CTBP1: variants seen among roughly 807,000 people sequenced by gnomAD.
CTBP1 encodes the protein C-terminal binding protein 1, also known as C-terminal-binding protein 1.
In CTBP1, 11 loss-of-function variants were observed where a neutral mutation model predicts 42.1. The observed-to-expected ratio is 0.26, with a 90% confidence interval of 0.16 to 0.43. The LOEUF is 0.43. Ranked by LOEUF, CTBP1 falls within the 20% of genes least tolerant of loss-of-function variation. CTBP1 has a pLI of 1.00. For missense variants in CTBP1, 399 were observed against 624.3 expected, an observed-to-expected ratio of 0.64 and a Z score of 3.85; for synonymous variants, 324 against 277.1, an observed-to-expected ratio of 1.17 and a Z score of -1.68.
At chr4:1,212,842 G>C in intron 9 of CTBP1, 71 bp downstream of exon 9, 1 of 1,333,850 alleles carries the variant, frequency 7.5e-7, no homozygotes, top group Non-Finnish European at 1.1e-6. Context: ...CTCCCACCAG[G>C]GGCTGTGCTG....
chr4:1,243,814 C>G (rs1287535120), intron 1 of CTBP1: 1 of 985,338 alleles, frequency 1.0e-6, no homozygotes, highest in Non-Finnish European at 1.2e-6. Context: ...ATCCAGGACC[C>G]ACACTGCTTT....
chr4:1,226,969 T>C (rs1481050571), intron 4 of CTBP1, among the ~76,000 whole-genome samples: 1 of 151,982 alleles, frequency 6.6e-6, no homozygotes, highest in African/African-American at 2.4e-5. Context: ...AGCAAAACCG[T>C]GAGGCGCTGG....
At chr4:1,223,398 C>T (rs1229235775) in intron 5 of CTBP1, 20 of 454,962 alleles carry the variant, frequency 4.4e-5, no homozygotes, top group Admixed American at 4.3e-4. Context: ...CATGCACATC[C>T]GTGAACCAAC....
intron 1 of CTBP1, among the ~76,000 whole-genome samples, chr4:1,246,845 A>T (rs1319015223): frequency 1.5e-5 from 2 of 137,362 alleles, no homozygotes; most frequent in Non-Finnish European, 3.4e-5. Context: ...CCTCCAGAAA[A>T]AATTTATTAA....
intron 2 of CTBP1, among the ~76,000 whole-genome samples, chr4:1,239,988 G>A (rs1415401972): frequency 6.6e-6 from 1 of 152,238 alleles, no homozygotes; most frequent in African/African-American, 2.4e-5. Flanking sequence ...GACTTCTCAT[G>A]AGCAGAAAGG....
intron 3 of CTBP1, chr4:1,237,981 G>A (rs1284061612): frequency 2.7e-6 from 2 of 749,960 alleles, no homozygotes; most frequent in African/African-American, 3.4e-5. Flanking sequence ...ATGGGGCTCA[G>A]GGCAAACCCG....
intron 5 of CTBP1, chr4:1,221,805 T>C (rs1217965606): frequency 2.2e-5 from 10 of 446,784 alleles, no homozygotes; most frequent in South Asian, 6.3e-5. Context: ...GGTGGGTTCA[T>C]GGGGTGAATG....
intron 1 of CTBP1, chr4:1,242,344 C>G (rs966643038): frequency 4.1e-6 from 4 of 985,380 alleles, no homozygotes; most frequent in East Asian, 1.1e-4. Flanking sequence ...CAACGTGCAG[C>G]TGACATCAGG....
At chr4:1,243,973 G>A in intron 1 of CTBP1, 1 of 985,038 alleles carries the variant, frequency 1.0e-6, no homozygotes, top group Non-Finnish European at 1.2e-6. Context: ...GCACATGGAA[G>A]CTTGTGCTTC....
chr4:1,221,797 T>C (rs1250088), intron 5 of CTBP1: 119,125 of 442,072 alleles, frequency 0.27, 18,374 homozygotes, highest in Middle Eastern at 0.37. Context: ...AACGTGCTGG[T>C]GGGTTCATGG....
chr4:1,242,065 C>T (rs940076075), intron 1 of CTBP1: 13 of 987,474 alleles, frequency 1.3e-5, no homozygotes, highest in East Asian at 1.1e-4. Flanking sequence ...GCTCCACCTC[C>T]GACCCTCAGT....
Position 1,233,704 on chromosome 4 carries a change from G to A in CTBP1, c.162+4479C>T, listed in dbSNP as rs1460613792. On this transcript the variant is annotated intron_variant, in intron 3 of 9. Transcript: ENST00000382952. The surrounding 1 kb of genome is among the most constrained non-coding windows in gnomAD (Gnocchi z 4.6). The stretch of plus-strand genomic sequence containing the variant: ...CCCAGTCCTGAACCTGAACACTGGG[G>A]CGCCTCCCAGGCCCCGACATTCTTC... Among the ~76,000 whole-genome samples, 1 of 152,180 alleles carries A rather than the reference G, an allele frequency of 6.6e-6. No homozygotes were observed. The highest frequency in any genetic ancestry group is 1.5e-5 in the Non-Finnish European group (1 of 68,040).
chr4:1,238,044 G>T lies in CTBP1; in HGVS notation c.162+139C>A. The T allele has an allele frequency of 8.7e-7, 1 of 1,148,174 alleles. No individual in the cohort carries two copies. Among genetic ancestry groups the T allele is most frequent in the Non-Finnish European group, 1.3e-6 (1 of 769,428 alleles). 71.1% of individuals were successfully genotyped at this position (1,148,174 alleles called of 1,614,324 possible). On this transcript the variant is annotated intron_variant, in intron 3 of 9. Transcript: ENST00000382952. The surrounding 1 kb of genome is among the most constrained non-coding windows in gnomAD (Gnocchi z 5.9). Reference sequence around the variant, plus strand: ...AAAACCCCGTGTCCACCTCCTGACGGCGCGGGACGACTGGGACAGAGGCTG... The same window carrying T: ...AAAACCCCGTGTCCACCTCCTGACGTCGCGGGACGACTGGGACAGAGGCTG...
At position 1,233,747 on chromosome 4, in the gene CTBP1, G is replaced by A. The variant is rs1006338232; in HGVS notation, c.162+4436C>T. ...CATTCTTCCCGCTCCTCCTGTGACC[G>A]CACTGACGGTATCACGTTCTCTCCC... On this transcript the variant is annotated intron_variant, in intron 3 of 9. Coordinates refer to ENST00000382952, the MANE Select transcript of CTBP1 (RefSeq NM_001012614.2). The surrounding 1 kb of genome is among the most constrained non-coding windows in gnomAD (Gnocchi z 4.6). Among the ~76,000 whole-genome samples, 17 of 152,180 alleles carry A rather than the reference G, an allele frequency of 1.1e-4. No homozygotes were observed. The highest frequency in any genetic ancestry group is 2.1e-4 in the South Asian group (1 of 4,828).
upstream of CTBP1, chr4:1,249,730 C>G (rs1733154646): frequency 2.6e-6 from 1 of 383,430 alleles, no homozygotes; most frequent in Middle Eastern, 3.7e-4. Context: ...GGAGCCCCGA[C>G]TCCTGGAGGG....
chr4:1,213,864 G>C (rs963624142), intron 7 of CTBP1: 37 of 494,474 alleles, frequency 7.5e-5, no homozygotes, highest in Non-Finnish European at 1.2e-4. Flanking sequence ...GAGCCCTGAT[G>C]GGGGGACATG....
At chr4:1,234,559 T>C (rs1691915129) in intron 3 of CTBP1, 1 of 152,264 alleles carries the variant, frequency 6.6e-6, no homozygotes, top group South Asian at 2.1e-4. Flanking sequence ...CCCCAACCAC[T>C]GATCTGCATT....
Position 1,235,231 on chromosome 4 carries a change from A to C in CTBP1, c.162+2952T>G, listed in dbSNP as rs934716333. 1 of 152,118 alleles carries C rather than the reference A, an allele frequency of 6.6e-6. No individual in the cohort carries two copies. Among genetic ancestry groups the C allele is most frequent in the Non-Finnish European group, 1.5e-5 (1 of 68,014 alleles). The allele number at this position is 152,118 out of a possible 1,614,324, so 9.4% of individuals were successfully genotyped here. ...CGTGCAGGTCTGTGTGTGGACGCGCATTCCGAGTCTCCGGGATAAAGGAGT... is the reference window on the plus strand; with the variant it reads ...CGTGCAGGTCTGTGTGTGGACGCGCCTTCCGAGTCTCCGGGATAAAGGAGT... On this transcript the variant is annotated intron_variant, in intron 3 of 9. Transcript: ENST00000382952. This position sits in a 1 kb window ranked among gnomAD's most constrained non-coding sequence, Gnocchi z 4.2.
chr4:1,212,948 G>C lies in CTBP1; in HGVS notation c.1071C>G (p.Ala357=). 1 of 1,613,812 alleles carries C rather than the reference G, an allele frequency of 6.2e-7. No homozygotes were observed. Among genetic ancestry groups the C allele is most frequent in the Non-Finnish European group, 8.5e-7 (1 of 1,179,992 alleles). Residue 357 remains alanine (A), a synonymous_variant, in exon 9 of 10, where the codon GCC becomes GCG. Coordinates refer to ENST00000382952, the MANE Select transcript of CTBP1 (RefSeq NM_001012614.2). ...AATHWASMDP[A]VVHPELNGAA... The stretch of plus-strand genomic sequence containing the variant: ...CCCCATTGAGCTCAGGGTGCACGAC[G>C]GCGGGGTCCATGCTGGCCCAGTGGG...
Sources: allele counts gnomAD v4.1 joint callset (sites outside exome capture counted in the v4.1 genomes callset), GRCh38; gene constraint gnomAD v4.1.1; non-coding constraint Gnocchi (gnomAD v3.1); transcripts MANE v1.5; gene names NCBI Gene and HGNC (gene_info 2026-07-23, HGNC 2026-07-21).